Variants in SLC38A5 observed in about 807,000 individuals in gnomAD.
SLC38A5 encodes the protein sodium-coupled neutral amino acid transporter 5.
A neutral mutation model predicts 34.6 loss-of-function variants in SLC38A5; 9 were observed. The ratio of observed to expected loss-of-function variants is 0.26; its 90% CI spans 0.16 to 0.45. The LOEUF (loss-of-function observed/expected upper bound fraction) is 0.45. Ranked by LOEUF, SLC38A5 falls within the 20% of genes least tolerant of loss-of-function variation. SLC38A5 has a pLI of 1.00. For synonymous variants in SLC38A5, 157 were observed against 155.6 expected, an observed-to-expected ratio of 1.01 and a Z score of -0.07; for missense variants, 253 against 394.7, an observed-to-expected ratio of 0.64 and a Z score of 3.04.
At chrX:48,466,513 G>C (rs1372491622) in intron 6 of SLC38A5, among the ~76,000 whole-genome samples, 191 bp from the exon 7 acceptor site, 2 of 108,420 alleles carry the variant, frequency 1.8e-5, no homozygotes, top group African/African-American at 6.7e-5. Flanking sequence ...TGAGGCCAGG[G>C]AAAAGGATGA....
intron 2 of SLC38A5, among the ~76,000 whole-genome samples, 153 bp downstream of exon 2, chrX:48,469,182 G>A (rs782261287): frequency 1.5e-4 from 17 of 109,785 alleles, no homozygotes; most frequent in Non-Finnish European, 3.2e-4. Flanking sequence ...CCTGGGATCA[G>A]GGTACAAAAA....
chrX:48,467,257 G>T, intron 4 of SLC38A5, 180 bp from the exon 5 acceptor site: 1 of 449,525 alleles, frequency 2.2e-6, no homozygotes, highest in Non-Finnish European at 3.9e-6. Context: ...AAGAGGCTGC[G>T]AATGGGGAGA....
chrX:48,462,975 C>T lies in SLC38A5; in HGVS notation c.497G>A (p.Trp166Ter). The T allele has an allele frequency of 6.7e-6, 8 of 1,201,933 alleles. No homozygotes were observed. The highest frequency in any genetic ancestry group is 9.0e-6 in the Non-Finnish European group (8 of 888,924). ...GATGAGGAGGTTTCCCTTCAAGAAC[C>T]AGTCCCTAGAGAGACAGGAAGACAC... Reference protein sequence around the residue: ...TFLYMDPEGDWFLKGNLLIII... With the variant: ...TFLYMDPEGD Residue 166 changes from tryptophan to a stop codon, truncating the protein, a stop_gained, in exon 9 of 17, where the codon TGG becomes TAG. Coordinates refer to ENST00000620913, the MANE Select transcript of SLC38A5 (RefSeq NM_033518.4). LOFTEE classifies it high-confidence loss of function.
At chrX:48,459,182 G>T in intron 16 of SLC38A5, 148 bp from the exon 17 acceptor site, 1 of 597,014 alleles carries the variant, frequency 1.7e-6, no homozygotes. Context: ...CTTACAGCCA[G>T]CCCCTTTCTG....
intron 4 of SLC38A5, chrX:48,467,419 G>A: frequency 2.4e-6 from 1 of 421,493 alleles, no homozygotes; most frequent in East Asian, 3.9e-5. Flanking sequence ...TGCTGGAGGA[G>A]GAAGAACAGC....
chrX:48,458,974 C>T lies in SLC38A5; in HGVS notation c.1378G>A (p.Ala460Thr). 1.7e-6 allele frequency: 2 copies of T among 1,194,315 alleles called. No individual in the cohort carries two copies. The highest frequency in any genetic ancestry group is 2.3e-6 in the Non-Finnish European group (2 of 885,917). ...FMAVSLGFMF[A>T]NWATGQSRMS... ...CGGCTCTGGCCTGTGGCCCAGTTGG[C>T]AAACATAAAGCCTAGACTGACGGCC... is the stretch of plus-strand genomic sequence containing the variant. The change falls in exon 17 of 17, where the codon GCC becomes ACC. Residue 460 changes from alanine (A) to threonine (T), a missense_variant. Ala to Thr is a moderately conservative substitution (Grantham distance 58, BLOSUM62 0). Coordinates refer to ENST00000620913, the MANE Select transcript of SLC38A5 (RefSeq NM_033518.4).
intron 12 of SLC38A5, 78 bp downstream of exon 12, chrX:48,461,640 C>T: frequency 4.0e-6 from 4 of 996,834 alleles, no homozygotes; most frequent in Non-Finnish European, 5.5e-6. Flanking sequence ...CCCAGGACTG[C>T]TGTAGGGAGT....
At chrX:48,462,804 G>T in intron 9 of SLC38A5, 94 bp downstream of exon 9, 1 of 682,632 alleles carries the variant, frequency 1.5e-6, no homozygotes, top group Non-Finnish European at 2.2e-6. Context: ...CTCTCCTAGT[G>T]TGCTGCAGCC....
intron 2 of SLC38A5, chrX:48,468,702 G>T: frequency 3.6e-6 from 1 of 278,764 alleles, no homozygotes; most frequent in Non-Finnish European, 4.9e-6. Flanking sequence ...CTTTTCCAGG[G>T]CCCCTAGCAA....
In SLC38A5 at chrX:48,462,340, C is replaced by T. The variant is rs782578980; in HGVS notation, c.575-49G>A. ...CTCAGAAATCAGCCAGGCGTGGTGG[C>T]TCACACCTATAATCCTAGCGCTTTG... On this transcript the variant is annotated intron_variant, in intron 9 of 16. Coordinates refer to ENST00000620913, the MANE Select transcript of SLC38A5 (RefSeq NM_033518.4). The T allele has an allele frequency of 1.8e-5, 21 of 1,151,086 alleles. No homozygotes were observed. The African/African-American group carries it at 3.4e-4, about 19-fold the overall frequency. 94.9% of individuals were successfully genotyped at this position (1,151,086 alleles called of 1,213,427 possible). A position where few individuals can be genotyped will look rare whatever the true frequency, so the allele number is the denominator to read the frequency against.
chrX:48,460,955 T>G, intron 13 of SLC38A5, 31 bp downstream of exon 13: 223 of 418,935 alleles, frequency 5.3e-4, no homozygotes, highest in Non-Finnish European at 8.2e-4. Context: ...GCCTTCCCCC[T>G]CCCCCCAGCC....
At chrX:48,463,875 GAA>G (rs2061455376) in intron 8 of SLC38A5, among the ~76,000 whole-genome samples, 1 of 98,548 alleles carries the variant, frequency 1.0e-5, no homozygotes, top group African/African-American at 4.1e-5. Context: ...AAGAAAGAAA[GAA>G]AGAAAGAAAG....
chrX:48,465,805 T>A (rs1193417171), intron 8 of SLC38A5, among the ~76,000 whole-genome samples: 1 of 111,208 alleles, frequency 9.0e-6, no homozygotes, highest in African/African-American at 3.3e-5. Context: ...GCAGCCAGAA[T>A]AAGTCACAAA....
At chrX:48,467,528 A>C (rs2061487159) in intron 4 of SLC38A5, 182 bp downstream of exon 4, 5 of 460,817 alleles carry the variant, frequency 1.1e-5, no homozygotes, top group Non-Finnish European at 1.9e-5. Flanking sequence ...AGAGCTGGAA[A>C]GGGCATATCT....
intron 16 of SLC38A5, 185 bp from the exon 17 acceptor site, chrX:48,459,219 A>G: frequency 2.1e-6 from 1 of 481,033 alleles, no homozygotes; most frequent in Non-Finnish European, 3.5e-6. Flanking sequence ...CCCAGGACCC[A>G]TGACAGAATA....
rs782515914 is a variant in SLC38A5 at position 48,467,712 on chromosome X, C to A, written c.127G>T (p.Asp43Tyr). 1 of 1,207,010 alleles carries A rather than the reference C, an allele frequency of 8.3e-7. No individual in the cohort carries two copies. The highest frequency in any genetic ancestry group is 1.1e-6 in the Non-Finnish European group (1 of 893,300). Reference protein sequence around the residue: ...APGSKPVQFMDFEGKTSFGMS... With the variant: ...APGSKPVQFMYFEGKTSFGMS... The stretch of plus-strand genomic sequence containing the variant: ...ACAGATCCTGTGGGGCCACTCACAT[C>A]CATGAACTGGACCGGCTTGCTCCCA... Residue 43 changes from aspartate (D) to tyrosine (Y), a missense_variant and splice_region_variant, in exon 4 of 17, where the codon GAT becomes TAT. Transcript: ENST00000620913.
chrX:48,467,564 G>A, intron 4 of SLC38A5, 146 bp downstream of exon 4: 2 of 540,545 alleles, frequency 3.7e-6, no homozygotes, highest in Non-Finnish European at 6.1e-6. Flanking sequence ...CTGGAGAGGG[G>A]AGCGACCAAG....
chrX:48,465,595 G>A (rs1556962999), intron 8 of SLC38A5, among the ~76,000 whole-genome samples: 1 of 111,776 alleles, frequency 8.9e-6, no homozygotes, highest in African/African-American at 3.3e-5. Context: ...GTGACCGAGG[G>A]TAAGACACAT....
chrX:48,466,142 C>A (rs1403066495), intron 7 of SLC38A5, 49 bp from the exon 8 acceptor site: 3 of 1,160,691 alleles, frequency 2.6e-6, no homozygotes, highest in African/African-American at 3.5e-5. Context: ...TTCATGCCCC[C>A]ACCCCGTCTT....
Sources: gnomAD v4.1 joint callset for allele counts (sites outside exome capture counted in the v4.1 genomes callset) on GRCh38, gnomAD v4.1.1 for gene constraint, MANE v1.5 for transcripts, NCBI Gene and HGNC (gene_info 2026-07-23, HGNC 2026-07-21) for gene names.